The following RTN4R variants were observed in gnomAD, a reference collection of about 807,000 sequenced individuals.
The protein encoded by RTN4R is reticulon-4 receptor.
Under a neutral mutation model 27.7 loss-of-function variants are expected in RTN4R, and 4 were observed. That is an observed-to-expected ratio of 0.14 (90% confidence interval 0.07 to 0.33). The LOEUF is 0.33. RTN4R is among the 10% of genes least tolerant of loss of function. The pLI, the probability that RTN4R is intolerant of heterozygous loss-of-function variation, is 1.00. For missense variants in RTN4R, 554 were observed against 671.5 expected (o/e 0.83, Z 1.93); for synonymous variants, 290 against 305.6 (o/e 0.95, Z 0.53).
chr22:20,251,958 TTATCCTCATCACTATCAC>T (rs2051184713), intron 1 of RTN4R, among the ~76,000 whole-genome samples: 1 of 5,840 alleles, frequency 1.7e-4, no homozygotes, highest in Non-Finnish European at 3.5e-4. Context: ...AGCACCATCC[TTATCCTCATCACTATCAC>T]CATCACCATC....
intron 1 of RTN4R, among the ~76,000 whole-genome samples, chr22:20,245,680 T>C (rs1392078772): frequency 6.6e-6 from 1 of 152,142 alleles, no homozygotes; most frequent in Non-Finnish European, 1.5e-5. Flanking sequence ...CTCGCCCACC[T>C]TTCTCTCTCC....
intron 1 of RTN4R, among the ~76,000 whole-genome samples, chr22:20,260,518 C>G (rs928149398): frequency 6.6e-6 from 1 of 152,152 alleles, no homozygotes; most frequent in Non-Finnish European, 1.5e-5. Flanking sequence ...GCACATCCTG[C>G]GTGACCTTGG....
At chr22:20,246,669 GC>G (rs2051143289) in intron 1 of RTN4R, among the ~76,000 whole-genome samples, 2 of 152,180 alleles carry the variant, frequency 1.3e-5, no homozygotes, top group Admixed American at 1.3e-4. Context: ...TGTTCCTGGG[GC>G]CCCGCCCACC....
intron 1 of RTN4R, among the ~76,000 whole-genome samples, chr22:20,248,621 A>T (rs371102211): frequency 2.0e-5 from 3 of 152,144 alleles, no homozygotes; most frequent in African/African-American, 7.2e-5. Flanking sequence ...TGCCGCCCAT[A>T]CAAGACCAGG....
At chr22:20,250,389 A>C (rs1477264011) in intron 1 of RTN4R, among the ~76,000 whole-genome samples, 2 of 152,238 alleles carry the variant, frequency 1.3e-5, no homozygotes, top group Non-Finnish European at 2.9e-5. Flanking sequence ...ACAAAGCTGG[A>C]ATTATTTAGT....
At chr22:20,249,112 T>C (rs1348392747) in intron 1 of RTN4R, 1 of 534,022 alleles carries the variant, frequency 1.9e-6, no homozygotes, top group Admixed American at 1.9e-5. Flanking sequence ...AAACACCTGC[T>C]GCCTAATTAT....
intron 1 of RTN4R, among the ~76,000 whole-genome samples, chr22:20,262,556 G>A (rs564485938): frequency 6.6e-6 from 1 of 152,304 alleles, no homozygotes; most frequent in East Asian, 1.9e-4. Flanking sequence ...TGTGTGCAGG[G>A]GCTGCTCTAG....
chr22:20,253,919 C>A (rs1259544723), intron 1 of RTN4R, among the ~76,000 whole-genome samples: 1 of 151,912 alleles, frequency 6.6e-6, no homozygotes, highest in East Asian at 1.9e-4. Context: ...AGGAGAAAGA[C>A]AAATGAATGA....
At chr22:20,243,544 G>A in intron 1 of RTN4R, 1 of 464,092 alleles carries the variant, frequency 2.2e-6, no homozygotes, top group South Asian at 1.6e-5. Context: ...CACTGCAATG[G>A]GGCTGGGGTC....
At chr22:20,260,112 T>C (rs778541923) in intron 1 of RTN4R, among the ~76,000 whole-genome samples, 1 of 152,106 alleles carries the variant, frequency 6.6e-6, no homozygotes, top group Non-Finnish European at 1.5e-5. Flanking sequence ...CAGTCCCCCA[T>C]GGCCCCAGCG....
chr22:20,242,508 G>T lies in RTN4R; in HGVS notation c.625C>A (p.Leu209Met). ...RGLHSLDRLL[L>M]HQNRVAHVHP... ...ACATGGGCCACGCGGTTCTGGTGCA[G>T]TAGGAGACGGTCGAGGCTGTGCAGC... Residue 209 changes from leucine to methionine, a missense_variant, in exon 2 of 2, where the codon CTG (leucine) becomes ATG (methionine). Leu to Met is a conservative substitution (Grantham distance 15). This residue lies in a region of RTN4R where 413 missense variants were observed against 542.3 expected (regional missense o/e 0.76). Coordinates refer to ENST00000043402, the MANE Select transcript of RTN4R (RefSeq NM_023004.6). 5 of 1,613,754 alleles carry T rather than the reference G, an allele frequency of 3.1e-6. No homozygotes were observed. The highest frequency in any genetic ancestry group is 4.2e-6 in the Non-Finnish European group (5 of 1,179,988).
rs937041287 is a variant in RTN4R at position 20,241,623 on chromosome 22, C to T, written c.*88G>A. 37 of 1,465,426 alleles carry T rather than the reference C, an allele frequency of 2.5e-5. No homozygotes were observed. In the African/African-American group the frequency reaches 3.5e-4, roughly 14 times the overall value. 90.8% of individuals were successfully genotyped at this position (1,465,426 alleles called of 1,614,324 possible). On this transcript the variant is annotated 3_prime_UTR_variant, in exon 2 of 2. Coordinates refer to ENST00000043402, the MANE Select transcript of RTN4R (RefSeq NM_023004.6). The stretch of plus-strand genomic sequence containing the variant: ...ACCTGGCCTGGCCTGCCCCACGGGT[C>T]GGCCGCCCGGCTGGCTTGGCGGCGT...
intron 1 of RTN4R, among the ~76,000 whole-genome samples, chr22:20,260,640 G>A (rs1401430876): frequency 6.6e-6 from 1 of 152,158 alleles, no homozygotes; most frequent in Non-Finnish European, 1.5e-5. Flanking sequence ...ACGCCCGGGG[G>A]CAGGTGGCCC....
chr22:20,245,377 C>A (rs2051134591), intron 1 of RTN4R, among the ~76,000 whole-genome samples: 1 of 152,246 alleles, frequency 6.6e-6, no homozygotes, highest in Admixed American at 6.5e-5. Flanking sequence ...TCCATGGCAA[C>A]CCCTCTGCTG....
intron 1 of RTN4R, among the ~76,000 whole-genome samples, chr22:20,245,042 C>T (rs1403775875): frequency 1.3e-5 from 2 of 152,176 alleles, no homozygotes; most frequent in East Asian, 1.9e-4. Flanking sequence ...TCAGCTCACT[C>T]GCCTTGAACC....
rs1453431287 is a variant in RTN4R at position 20,242,760 on chromosome 22, T to C, written c.373A>G (p.Thr125Ala). 3 of 1,612,750 alleles carry C rather than the reference T, an allele frequency of 1.9e-6. No homozygotes were observed. Among genetic ancestry groups the C allele is most frequent in the Admixed American group, 3.3e-5 (2 of 60,016 alleles). The change falls in exon 2 of 2, where the codon ACA becomes GCA. Residue 125 changes from threonine (T) to alanine (A), a missense_variant. This residue lies in a region of RTN4R where 413 missense variants were observed against 542.3 expected (regional missense o/e 0.76). Coordinates refer to ENST00000043402, the MANE Select transcript of RTN4R (RefSeq NM_023004.6). ...NAQLRSVDPA[T>A]FHGLGRLHTL... is the part of the protein sequence containing the mutation. ...TGTAGGCGGCCCAGGCCGTGGAATG[T>C]GGCAGGGTCCACAGACCGGAGCTGT...
At chr22:20,249,052 C>T (rs2051159544) in intron 1 of RTN4R, 98 of 514,074 alleles carry the variant, frequency 1.9e-4, no homozygotes, top group South Asian at 1.3e-3. Flanking sequence ...CCCCTTGCCC[C>T]ACAGGAGGCT....
Position 20,242,465 on chromosome 22 carries a change from C to G in RTN4R, c.668G>C (p.Arg223Pro). The G allele has an allele frequency of 6.2e-7, 1 of 1,613,640 alleles. No homozygotes were observed. Among genetic ancestry groups the G allele is most frequent in the Non-Finnish European group, 8.5e-7 (1 of 1,179,990 alleles). The stretch of plus-strand genomic sequence containing the variant: ...GAGTGTCATGAGGCGGCCAAGGTCA[C>G]GGAAGGCATGCGGGTGCACATGGGC... ...RVAHVHPHAF[R>P]DLGRLMTLYL... Residue 223 changes from arginine (R) to proline (P), a missense_variant, in exon 2 of 2, where the codon CGT becomes CCT. Transcript: ENST00000043402.
Position 20,242,024 on chromosome 22 carries a change from G to C in RTN4R, c.1109C>G (p.Pro370Arg), listed in dbSNP as rs745931327. 6.2e-7 allele frequency: 1 copy of C among 1,611,796 alleles called. No individual in the cohort carries two copies. Among genetic ancestry groups the C allele is most frequent in the East Asian group, 2.2e-5 (1 of 44,872 alleles). Residue 370 changes from proline to arginine, a missense_variant, in exon 2 of 2, where the codon CCG (proline) becomes CGG (arginine). By Grantham distance (103) the Pro-to-Arg change is moderately radical. Coordinates refer to ENST00000043402, the MANE Select transcript of RTN4R (RefSeq NM_023004.6). The stretch of plus-strand genomic sequence containing the variant: ...GTGCCGTGGGCCAGAGCCGTTGCCC[G>C]GCGGGCTGTCACCGGGCGGCACGCG... ...KGRVPPGDSPPGNGSGPRHIN... is the reference protein window; with the variant it reads ...KGRVPPGDSPRGNGSGPRHIN...
Sources: allele counts gnomAD v4.1 joint callset (sites outside exome capture counted in the v4.1 genomes callset), GRCh38; gene constraint gnomAD v4.1.1; regional missense constraint gnomAD v4.1.1; transcripts MANE v1.5; gene names NCBI Gene and HGNC (gene_info 2026-07-23, HGNC 2026-07-21).